GRM1: variants seen among roughly 807,000 people sequenced by gnomAD.
The protein encoded by GRM1 is glutamate metabotropic receptor 1, also known as metabotropic glutamate receptor 1.
In GRM1, 33 loss-of-function variants were observed where a neutral mutation model predicts 90.9. The observed-to-expected ratio is 0.36, with a 90% confidence interval of 0.28 to 0.49. GRM1 has a LOEUF of 0.49. Among genes scored for constraint, GRM1 ranks in the 20% least tolerant of loss-of-function variants. The pLI, the probability that GRM1 is intolerant of heterozygous loss-of-function variation, is 0.99. For synonymous variants in GRM1, 700 were observed against 613.2 expected (o/e 1.14, Z -2.09); for missense variants, 1,190 against 1,534.3 (o/e 0.78, Z 3.75).
At position 146,434,918 on chromosome 6, in the gene GRM1, G is replaced by GCTGCTGCTGCTGCCGCTA. The variant is rs1481357791; in HGVS notation, c.*137_*154dup. 2 of 801,596 alleles carry GCTGCTGCTGCTGCCGCTA rather than the reference G, an allele frequency of 2.5e-6. No homozygotes were observed. The highest frequency in any genetic ancestry group is 2.0e-5 in the Admixed American group (1 of 50,282). The allele number at this position is 801,596 out of a possible 1,614,324, so 49.7% of individuals were successfully genotyped here. On this transcript the variant is annotated 3_prime_UTR_variant, in exon 8 of 8. Coordinates refer to ENST00000282753, the MANE Select transcript of GRM1 (RefSeq NM_001278064.2). ...GGCCTCGTCGGGAGGACAGGAGACCGCTGCTGCTGCTGCCGCTACTGCTGC... is the reference window on the plus strand; with the variant it reads ...GGCCTCGTCGGGAGGACAGGAGACCGCTGCTGCTGCTGCCGCTACTGCTGCTGCTGCCGCTACTGCTGC...
chr6:146,332,894 C>T (rs991622547), intron 3 of GRM1, among the ~76,000 whole-genome samples: 8 of 152,120 alleles, frequency 5.3e-5, no homozygotes, highest in Non-Finnish European at 5.9e-5. Flanking sequence ...CCTGATATTC[C>T]GGTGACACTG....
intron 3 of GRM1, among the ~76,000 whole-genome samples, chr6:146,314,051 C>CTTTTTTTTTTTTTTTTTTT (rs552986343): frequency 1.6e-5 from 1 of 61,960 alleles, no homozygotes; most frequent in African/African-American, 7.8e-5. Flanking sequence ...TAGTTAATTC[C>CTTTTTTTTTTTTTTTTTTT]TTTTTTTTTT....
intron 2 of GRM1, among the ~76,000 whole-genome samples, chr6:146,251,207 C>T (rs538965605): frequency 6.6e-6 from 1 of 152,238 alleles, no homozygotes; most frequent in South Asian, 2.1e-4. Flanking sequence ...TGTTATGAAA[C>T]TCCCTTCTTT....
At chr6:146,276,312 A>G (rs950950774) in intron 2 of GRM1, among the ~76,000 whole-genome samples, 1 of 152,166 alleles carries the variant, frequency 6.6e-6, no homozygotes. Context: ...CTTGAGTAAT[A>G]CCATCATTAA....
At chr6:146,178,460 C>T (rs1778416473) in intron 2 of GRM1, among the ~76,000 whole-genome samples, 1 of 152,074 alleles carries the variant, frequency 6.6e-6, no homozygotes, top group Admixed American at 6.5e-5. Flanking sequence ...GGGATGGGAC[C>T]CAAGTCTAAA....
At chr6:146,167,114 G>T (rs563739029) in intron 2 of GRM1, among the ~76,000 whole-genome samples, 1 of 152,182 alleles carries the variant, frequency 6.6e-6, no homozygotes, top group South Asian at 2.1e-4. Context: ...GCTTTTTCTA[G>T]AATTTCACAT....
chr6:146,216,919 CAGATTCTAT>C (rs1779891228), intron 2 of GRM1, among the ~76,000 whole-genome samples: 1 of 152,112 alleles, frequency 6.6e-6, no homozygotes, highest in African/African-American at 2.4e-5. Flanking sequence ...GGCATCTTTC[CAGATTCTAT>C]AGCATTGAAA....
At chr6:146,253,769 C>A (rs1408019411) in intron 2 of GRM1, among the ~76,000 whole-genome samples, 2 of 152,096 alleles carry the variant, frequency 1.3e-5, no homozygotes, top group Non-Finnish European at 2.9e-5. Flanking sequence ...TATTCACTGA[C>A]AAATCTTCTG....
chr6:146,387,355 G>T (rs1269381748), intron 6 of GRM1, among the ~76,000 whole-genome samples: 2 of 151,858 alleles, frequency 1.3e-5, no homozygotes, highest in African/African-American at 4.8e-5. Flanking sequence ...TATGGATGAG[G>T]CACTACTATA....
intron 3 of GRM1, among the ~76,000 whole-genome samples, chr6:146,323,604 C>T (rs1182067306): frequency 6.6e-6 from 1 of 152,146 alleles, no homozygotes; most frequent in Non-Finnish European, 1.5e-5. Flanking sequence ...AATTAGATCC[C>T]ATTTGTCAAT....
intron 7 of GRM1, among the ~76,000 whole-genome samples, chr6:146,404,715 C>G (rs547995349): frequency 1.3e-5 from 2 of 152,256 alleles, no homozygotes; most frequent in Non-Finnish European, 2.9e-5. Flanking sequence ...GGCAACTTTG[C>G]AAATGCAAGA....
At chr6:146,040,843 C>A (rs572650486) in intron 1 of GRM1, among the ~76,000 whole-genome samples, 23 of 151,970 alleles carry the variant, frequency 1.5e-4, no homozygotes, top group Admixed American at 3.3e-4. Flanking sequence ...CTACCACTTG[C>A]CCTTTCTCAA....
chr6:146,058,054 G>A (rs576247951), intron 1 of GRM1, among the ~76,000 whole-genome samples: 34 of 151,878 alleles, frequency 2.2e-4, no homozygotes, highest in Non-Finnish European at 2.8e-4. Flanking sequence ...CATTTTTTCC[G>A]TCTCTCTGGA....
intron 1 of GRM1, among the ~76,000 whole-genome samples, chr6:146,108,191 T>C (rs1027360052): frequency 6.6e-6 from 1 of 152,112 alleles, no homozygotes; most frequent in African/African-American, 2.4e-5. Flanking sequence ...ACGCTGAAAT[T>C]TGGGTGTAAG....
chr6:146,190,047 C>T lies in GRM1; in HGVS notation c.950+30450C>T, dbSNP rs1401307413. Among the ~76,000 whole-genome samples the T allele has an allele frequency of 2.0e-5, 3 of 152,232 alleles. No homozygotes were observed. The East Asian group carries it at 5.8e-4, about 29-fold the overall frequency. On this transcript the variant is annotated intron_variant, in intron 2 of 7. Coordinates refer to ENST00000282753, the MANE Select transcript of GRM1 (RefSeq NM_001278064.2). Reference sequence around the variant, plus strand: ...GGCCTTGGAGTTGTTGAGTGGAGTTCAGTATCCACTGGGGAACAGAATCTG... The same window carrying T: ...GGCCTTGGAGTTGTTGAGTGGAGTTTAGTATCCACTGGGGAACAGAATCTG...
chr6:146,303,434 T>C (rs1348777036), intron 2 of GRM1, among the ~76,000 whole-genome samples: 2 of 152,152 alleles, frequency 1.3e-5, no homozygotes, highest in African/African-American at 4.8e-5. Flanking sequence ...TCTAAGAGCA[T>C]TTACTTTGGA....
At chr6:146,363,363 C>A (rs966441615) in intron 5 of GRM1, among the ~76,000 whole-genome samples, 2 of 152,144 alleles carry the variant, frequency 1.3e-5, no homozygotes, top group Non-Finnish European at 2.9e-5. Context: ...CATTTTCCTG[C>A]TATTCAAAGA....
In GRM1 at chr6:146,386,901, A is replaced by T; in HGVS notation, c.1614A>T (p.Lys538Asn). The change falls in exon 6 of 8, where the codon AAA becomes AAT. Residue 538 changes from lysine (K) to asparagine (N), a missense_variant. By Grantham distance (94) the Lys-to-Asn change is moderately conservative (BLOSUM62 0). This residue lies in a region of GRM1 where 414 missense variants were observed against 598.4 expected (regional missense o/e 0.69). Coordinates refer to ENST00000282753, the MANE Select transcript of GRM1 (RefSeq NM_001278064.2). ...TATCTATGTTATAGGTTATACGGAA[A>T]GGAGAAGTGAGCTGCTGCTGGATTT... is the stretch of plus-strand genomic sequence containing the variant. ...CLKGQIKVIR[K>N]GEVSCCWICT... The T allele has an allele frequency of 6.2e-7, 1 of 1,609,514 alleles. No homozygotes were observed. The highest frequency in any genetic ancestry group is 8.5e-7 in the Non-Finnish European group (1 of 1,176,116).
At chr6:146,300,143 T>A (rs1244230298) in intron 2 of GRM1, among the ~76,000 whole-genome samples, 1 of 152,224 alleles carries the variant, frequency 6.6e-6, no homozygotes, top group Non-Finnish European at 1.5e-5. Flanking sequence ...AATTATAATT[T>A]TATTATCAGG....
Sources: gnomAD v4.1 joint callset for allele counts (sites outside exome capture counted in the v4.1 genomes callset) on GRCh38, gnomAD v4.1.1 for gene constraint, gnomAD v4.1.1 regional missense constraint, MANE v1.5 for transcripts, NCBI Gene and HGNC (gene_info 2026-07-23, HGNC 2026-07-21) for gene names.